ERG: variants seen among roughly 807,000 people sequenced by gnomAD.
ERG encodes transcriptional regulator ERG.
ERG carries 9 observed loss-of-function variants against 55.3 expected under a neutral mutation model. That is an observed-to-expected ratio of 0.16 (90% CI 0.10 to 0.28). The LOEUF (loss-of-function observed/expected upper bound fraction) is 0.28, where lower values mean the gene tolerates loss of function less well. Ranked by LOEUF, ERG falls within the 10% of genes least tolerant of loss-of-function variation. The pLI, the probability that ERG is intolerant of heterozygous loss-of-function variation, is 1.00. For synonymous variants in ERG, 223 were observed against 237.3 expected (o/e 0.94, Z 0.55); for missense variants, 434 against 631.6 (o/e 0.69, Z 3.35).
At chr21:38,542,041 C>T (rs1416234260) in intron 2 of ERG, among the ~76,000 whole-genome samples, 4 of 152,116 alleles carry the variant, frequency 2.6e-5, no homozygotes, top group African/African-American at 9.7e-5. Context: ...GATGGAGTCT[C>T]GCTCTGTTGC....
At chr21:38,650,614 G>A (rs908441969) in intron 1 of ERG, among the ~76,000 whole-genome samples, 17 of 134,302 alleles carry the variant, frequency 1.3e-4, no homozygotes, top group Admixed American at 5.0e-4. Context: ...TCCAGCCTGC[G>A]CAACAGAGCA....
chr21:38,511,865 A>G (rs1568870037), intron 2 of ERG, among the ~76,000 whole-genome samples: 1 of 152,112 alleles, frequency 6.6e-6, no homozygotes, highest in African/African-American at 2.4e-5. Flanking sequence ...TGCCAGTAAC[A>G]CCTCGCAGAC....
intron 2 of ERG, among the ~76,000 whole-genome samples, chr21:38,434,781 T>C (rs1990375825): frequency 6.6e-6 from 1 of 152,194 alleles, no homozygotes; most frequent in South Asian, 2.1e-4. Context: ...GTCTGCAAAC[T>C]GTGAAGCACT....
Position 38,595,741 on chromosome 21 carries a change from T to C in ERG, c.-149-10796A>G, listed in dbSNP as rs181108193. On this transcript the variant is annotated intron_variant, in intron 1 of 10. Transcript: ENST00000398910. The stretch of plus-strand genomic sequence containing the variant: ...AGATGGAAAGAGCTTCTCAGTGACA[T>C]GGGGAGAGGGTCCGCACCTGGAGGG... Among the ~76,000 whole-genome samples the C allele has an allele frequency of 1.6e-3, 241 of 152,192 alleles. 1 individual carries two copies. Among genetic ancestry groups the C allele is most frequent in the African/African-American group, 4.5e-3 (187 of 41,532 alleles).
intron 2 of ERG, among the ~76,000 whole-genome samples, chr21:38,537,373 AT>A (rs752408016): frequency 5.9e-5 from 9 of 152,064 alleles, no homozygotes; most frequent in Non-Finnish European, 1.0e-4. Context: ...GTCAAAAGAC[AT>A]CCTATAAAAT....
downstream of ERG, among the ~76,000 whole-genome samples, chr21:38,377,581 AGTT>A (rs1200794022): frequency 1.3e-5 from 2 of 152,262 alleles, no homozygotes; most frequent in African/African-American, 4.8e-5. Flanking sequence ...TAAAATAAAA[AGTT>A]GTTAACATCT....
chr21:38,621,562 C>T (rs559522103), intron 1 of ERG, among the ~76,000 whole-genome samples: 3 of 152,304 alleles, frequency 2.0e-5, no homozygotes, highest in African/African-American at 7.2e-5. Context: ...CGACAGAGCT[C>T]CAGGGACCTG....
At chr21:38,543,529 C>A (rs992647869) in intron 2 of ERG, among the ~76,000 whole-genome samples, 1 of 152,022 alleles carries the variant, frequency 6.6e-6, no homozygotes, top group African/African-American at 2.4e-5. Flanking sequence ...AATATTCATT[C>A]ATTCAGTGAA....
At chr21:38,656,252 T>C (rs2060518340) in intron 1 of ERG, among the ~76,000 whole-genome samples, 1 of 152,162 alleles carries the variant, frequency 6.6e-6, no homozygotes, top group South Asian at 2.1e-4. Flanking sequence ...TCCCATGTCA[T>C]TGGGCCATCG....
At chr21:38,378,943 G>C (rs1342597917), downstream of ERG, among the ~76,000 whole-genome samples, 1 of 152,166 alleles carries the variant, frequency 6.6e-6, no homozygotes, top group African/African-American at 2.4e-5. Context: ...TGTACCGTAG[G>C]GGCAGTTGGA....
intron 1 of ERG, among the ~76,000 whole-genome samples, chr21:38,463,269 C>T (rs2059059392): frequency 6.6e-6 from 1 of 152,120 alleles, no homozygotes; most frequent in Non-Finnish European, 1.5e-5. Flanking sequence ...GCATTTAATA[C>T]TAAGATCAAG....
intron 2 of ERG, among the ~76,000 whole-genome samples, chr21:38,530,689 G>T (rs553838812): frequency 6.6e-6 from 1 of 152,070 alleles, no homozygotes; most frequent in Non-Finnish European, 1.5e-5. Flanking sequence ...ACACATGAAG[G>T]CTCACTTACT....
the ERG span, among the ~76,000 whole-genome samples, chr21:38,371,836 G>C: frequency 5.3e-5 from 8 of 151,650 alleles, no homozygotes; most frequent in Middle Eastern, 6.8e-3. Context: ...TATTGTTTTT[G>C]GCATCAAAGT....
intron 2 of ERG, among the ~76,000 whole-genome samples, chr21:38,555,003 CA>C (rs993907799): frequency 1.0e-4 from 15 of 150,410 alleles, no homozygotes; most frequent in African/African-American, 2.0e-4. Context: ...AAAGAATTCA[CA>C]AAAAAAAATG....
intron 1 of ERG, among the ~76,000 whole-genome samples, chr21:38,619,381 T>G (rs1020681558): frequency 2.0e-5 from 3 of 151,970 alleles, no homozygotes; most frequent in Non-Finnish European, 2.9e-5. Flanking sequence ...CCTCCTCCTC[T>G]CTATTCCTCT....
chr21:38,394,870 C>A (rs1189270646), intron 6 of ERG, among the ~76,000 whole-genome samples: 1 of 152,118 alleles, frequency 6.6e-6, no homozygotes, highest in Non-Finnish European at 1.5e-5. Flanking sequence ...AATGAATAGA[C>A]AGCATCAGTA....
At chr21:38,634,123 T>G (rs1452496591) in intron 1 of ERG, among the ~76,000 whole-genome samples, 1 of 152,200 alleles carries the variant, frequency 6.6e-6, no homozygotes, top group Non-Finnish European at 1.5e-5. Flanking sequence ...TAGTTGTATT[T>G]TATCTGCAAA....
intron 9 of ERG, among the ~76,000 whole-genome samples, chr21:38,389,973 A>C (rs1987895322): frequency 6.6e-6 from 1 of 152,240 alleles, no homozygotes; most frequent in African/African-American, 2.4e-5. Flanking sequence ...TACACTGATT[A>C]AATCTTAATT....
chr21:38,641,383 T>C (rs1394670670), intron 1 of ERG, among the ~76,000 whole-genome samples: 1 of 152,290 alleles, frequency 6.6e-6, no homozygotes, highest in South Asian at 2.1e-4. Flanking sequence ...GCCTTGACAT[T>C]GAACTTCCCA....
Sources: gnomAD v4.1 joint callset for allele counts (sites outside exome capture counted in the v4.1 genomes callset) on GRCh38, gnomAD v4.1.1 for gene constraint, MANE v1.5 for transcripts, NCBI Gene and HGNC (gene_info 2026-07-23, HGNC 2026-07-21) for gene names.